The following HCN1 variants were observed in gnomAD, a reference collection of about 807,000 sequenced individuals.
HCN1 encodes potassium/sodium hyperpolarization-activated cyclic nucleotide-gated channel 1.
A neutral mutation model predicts 78.9 loss-of-function variants in HCN1; 13 were observed. The ratio of observed to expected loss-of-function variants is 0.16; its 90% CI spans 0.11 to 0.26. HCN1 has a LOEUF of 0.26. Ranked by LOEUF, HCN1 falls within the 10% of genes least tolerant of loss-of-function variation. The probability of loss-of-function intolerance (pLI) is 1.00; values close to 1 mark genes in which losing one functional copy is unlikely to be tolerated. For synonymous variants in HCN1, 552 were observed against 455.5 expected (o/e 1.21, Z -2.70); for missense variants, 810 against 1,154.3 (o/e 0.70, Z 4.32).
At chr5:45,530,464 T>G (rs1039888128) in intron 2 of HCN1, among the ~76,000 whole-genome samples, 3 of 150,746 alleles carry the variant, frequency 2.0e-5, no homozygotes, top group Non-Finnish European at 4.4e-5. Flanking sequence ...AAAGGGTGCT[T>G]TTTTGAGTGG....
intron 2 of HCN1, among the ~76,000 whole-genome samples, chr5:45,577,736 T>C (rs771324550): frequency 6.6e-6 from 1 of 152,132 alleles, no homozygotes; most frequent in Non-Finnish European, 1.5e-5. Flanking sequence ...TCTGACATTA[T>C]AAAACTTATC....
intron 4 of HCN1, among the ~76,000 whole-genome samples, chr5:45,383,380 C>A (rs2112027549): frequency 6.6e-6 from 1 of 152,248 alleles, no homozygotes; most frequent in African/African-American, 2.4e-5. Flanking sequence ...TACATAATTT[C>A]AAAATCTACA....
chr5:45,397,422 A>C (rs1739707326), intron 3 of HCN1, among the ~76,000 whole-genome samples: 1 of 152,020 alleles, frequency 6.6e-6, no homozygotes, highest in Non-Finnish European at 1.5e-5. Context: ...TTCTGAGATT[A>C]TTTATTAGTT....
At chr5:45,517,932 A>T (rs1349900217) in intron 2 of HCN1, among the ~76,000 whole-genome samples, 1 of 152,106 alleles carries the variant, frequency 6.6e-6, no homozygotes, top group Admixed American at 6.6e-5. Context: ...CCACTGTAAT[A>T]TAAGTTACTT....
At position 45,281,327 on chromosome 5, in the gene HCN1, T is replaced by C. The variant is rs148051826; in HGVS notation, c.1619-14074A>G. The stretch of plus-strand genomic sequence containing the variant: ...TACTTCCCCCTTCTCTCTCTCTCTC[T>C]CCTGCTCCACCATGTATAGTATGTG... On this transcript the variant is annotated intron_variant, in intron 6 of 7. Transcript: ENST00000303230. Among the ~76,000 whole-genome samples, 805 of 152,042 alleles carry C rather than the reference T, an allele frequency of 5.3e-3. 3 individuals are homozygous for C. The highest frequency in any genetic ancestry group is 0.018 in the African/African-American group (764 of 41,476).
intron 5 of HCN1, among the ~76,000 whole-genome samples, chr5:45,308,481 T>C (rs1320413275): frequency 6.6e-6 from 1 of 152,076 alleles, no homozygotes; most frequent in Non-Finnish European, 1.5e-5. Flanking sequence ...TTTTAAAAGT[T>C]ACTTTTAAAA....
At chr5:45,331,320 C>T (rs966437637) in intron 5 of HCN1, among the ~76,000 whole-genome samples, 1 of 151,122 alleles carries the variant, frequency 6.6e-6, no homozygotes, top group Non-Finnish European at 1.5e-5. Flanking sequence ...ATTTAATACA[C>T]CAACACAGCT....
intron 2 of HCN1, among the ~76,000 whole-genome samples, chr5:45,622,180 T>C (rs1226080919): frequency 1.3e-5 from 2 of 151,828 alleles, no homozygotes; most frequent in South Asian, 2.1e-4. Context: ...CACTCCAGCC[T>C]GGGCGACAGA....
At chr5:45,559,996 A>T (rs567489193) in intron 2 of HCN1, 1 of 152,310 alleles carries the variant, frequency 6.6e-6, no homozygotes, top group Admixed American at 6.5e-5. Flanking sequence ...ACTTGCTAAA[A>T]GTTTAAATGA....
chr5:45,508,876 A>C (rs1742357424), intron 2 of HCN1, among the ~76,000 whole-genome samples: 1 of 152,138 alleles, frequency 6.6e-6, no homozygotes, highest in African/African-American at 2.4e-5. Context: ...ACCTTGTGAA[A>C]GCCAAACAAG....
At chr5:45,418,105 G>GA (rs1439285102) in intron 3 of HCN1, among the ~76,000 whole-genome samples, 7 of 151,518 alleles carry the variant, frequency 4.6e-5, no homozygotes, top group Non-Finnish European at 1.0e-4. Flanking sequence ...TAAATTTTAG[G>GA]AAAAAAGTAA....
intron 2 of HCN1, among the ~76,000 whole-genome samples, chr5:45,544,339 T>C (rs1364099887): frequency 2.0e-5 from 3 of 152,250 alleles, no homozygotes; most frequent in African/African-American, 7.2e-5. Flanking sequence ...ATCAATAGGT[T>C]AGTTTTCTAT....
At chr5:45,627,708 T>C (rs1274200720) in intron 2 of HCN1, among the ~76,000 whole-genome samples, 1 of 152,170 alleles carries the variant, frequency 6.6e-6, no homozygotes, top group African/African-American at 2.4e-5. Flanking sequence ...CATTTCAGGG[T>C]AGAGTCAAGA....
chr5:45,559,984 G>A (rs1743561446), intron 2 of HCN1: 1 of 152,068 alleles, frequency 6.6e-6, no homozygotes, highest in Non-Finnish European at 1.5e-5. Flanking sequence ...AAAAAGATCA[G>A]GACTTGCTAA....
intron 7 of HCN1, among the ~76,000 whole-genome samples, chr5:45,263,330 A>C (rs914187723): frequency 2.6e-5 from 4 of 152,106 alleles, no homozygotes; most frequent in Non-Finnish European, 5.9e-5. Context: ...GGACATGAGA[A>C]GACTAAGAAC....
chr5:45,380,390 A>G (rs1369655740), intron 4 of HCN1, among the ~76,000 whole-genome samples: 1 of 152,136 alleles, frequency 6.6e-6, no homozygotes, highest in African/African-American at 2.4e-5. Context: ...TTGGAGGGAC[A>G]CAAACATTCA....
At chr5:45,514,092 C>G (rs757109523) in intron 2 of HCN1, among the ~76,000 whole-genome samples, 4 of 152,018 alleles carry the variant, frequency 2.6e-5, no homozygotes, top group Non-Finnish European at 5.9e-5. Context: ...GTGGGAACAT[C>G]CTAAGACCAA....
chr5:45,376,096 A>T (rs1579854345), intron 4 of HCN1, among the ~76,000 whole-genome samples: 1 of 111,194 alleles, frequency 9.0e-6, no homozygotes, highest in Non-Finnish European at 1.6e-5. Flanking sequence ...TATTATATAT[A>T]ATATAATGTT....
chr5:45,568,978 T>G (rs907666658), intron 2 of HCN1, among the ~76,000 whole-genome samples: 2 of 152,068 alleles, frequency 1.3e-5, no homozygotes, highest in Non-Finnish European at 2.9e-5. Context: ...AAGCAGGTCA[T>G]AAAGCCTAGA....
Sources: allele counts gnomAD v4.1 joint callset (sites outside exome capture counted in the v4.1 genomes callset), GRCh38; gene constraint gnomAD v4.1.1; transcripts MANE v1.5; gene names NCBI Gene and HGNC (gene_info 2026-07-23, HGNC 2026-07-21).